The following ANK2 variants were observed in gnomAD, a reference collection of about 807,000 sequenced individuals.
The protein encoded by ANK2 is ankyrin-2.
A neutral mutation model predicts 360.5 loss-of-function variants in ANK2; 83 were observed. The observed-to-expected ratio is 0.23, with a 90% confidence interval of 0.19 to 0.28. The LOEUF is 0.28. Among genes scored for constraint, ANK2 ranks in the 10% least tolerant of loss-of-function variants. The pLI is 1.00. For synonymous variants in ANK2, 1,740 were observed against 1,759.5 expected, an observed-to-expected ratio of 0.99 and a Z score of 0.28; for missense variants, 4,201 against 4,795.7, an observed-to-expected ratio of 0.88 and a Z score of 3.66.
intron 23 of ANK2, among the ~76,000 whole-genome samples, chr4:113,304,104 A>G (rs1380683741): frequency 6.6e-6 from 1 of 152,224 alleles, no homozygotes; most frequent in Non-Finnish European, 1.5e-5. Context: ...AGTTCCAAAT[A>G]TTTAGTATAA....
At chr4:113,047,419 G>A (rs576891818), upstream of ANK2, among the ~76,000 whole-genome samples, 35 of 152,176 alleles carry the variant, frequency 2.3e-4, no homozygotes, top group Non-Finnish European at 4.1e-4. Context: ...AGCACAATGT[G>A]CCTCTAGTGC....
intron 2 of ANK2, among the ~76,000 whole-genome samples, chr4:112,949,543 A>G (rs950754053): frequency 1.3e-5 from 2 of 152,344 alleles, no homozygotes; most frequent in Admixed American, 1.3e-4. Flanking sequence ...TTAATTCCAC[A>G]TTCTTTTTCA....
In ANK2 at chr4:113,049,810, A is replaced by G; in HGVS notation, c.82A>G (p.Lys28Glu). The G allele has an allele frequency of 6.2e-7, 1 of 1,613,740 alleles. No individual in the cohort carries two copies. Residue 28 changes from lysine (K) to glutamate (E), a missense_variant and splice_region_variant, in exon 1 of 46, where the codon AAG (lysine) becomes GAG (glutamate). Lys to Glu is a moderately conservative substitution (Grantham distance 56, BLOSUM62 1). Transcript: ENST00000357077. ...GSSQRRKRPKKSDSNASFLRA... is the reference protein window; with the variant it reads ...GSSQRRKRPKESDSNASFLRA... ...TAGTCAGAGGAGAAAAAGACCCAAG[A>G]AGGTAAATCGCCGGAATTAGGAATG...
chr4:113,311,147 C>T lies in ANK2; in HGVS notation c.2549-108C>T, dbSNP rs528667284. On this transcript the variant is annotated intron_variant, in intron 23 of 45. Transcript: ENST00000357077. ...TGTGTTCTAGTGTGCAGTGCAGTTT[C>T]ATCAAGGTCAAGGTAATGATGTTGA... 9.1e-6 allele frequency: 13 copies of T among 1,433,490 alleles called. No individual in the cohort carries two copies. In the East Asian group the frequency reaches 2.8e-4, roughly 30 times the overall value. The allele number at this position is 1,433,490 out of a possible 1,614,324, so 88.8% of individuals were successfully genotyped here. A position where few individuals can be genotyped will look rare whatever the true frequency, so the allele number is the denominator to read the frequency against.
At chr4:113,339,387 T>C in intron 32 of ANK2, 65 bp downstream of exon 32, 1 of 1,249,588 alleles carries the variant, frequency 8.0e-7, no homozygotes, top group East Asian at 2.3e-5. Context: ...CTGCCCTTTG[T>C]TTTATTTTGT....
At chr4:112,773,649 A>G in the ANK2 span, among the ~76,000 whole-genome samples, 75 of 152,344 alleles carry the variant, frequency 4.9e-4, no homozygotes, top group Non-Finnish European at 6.2e-4. Context: ...ATAGAGAGAC[A>G]CATTCATGCA....
chr4:113,006,558 A>G (rs1354537004), intron 2 of ANK2, among the ~76,000 whole-genome samples: 1 of 152,200 alleles, frequency 6.6e-6, no homozygotes, highest in Non-Finnish European at 1.5e-5. Flanking sequence ...ATCTTTTCTT[A>G]TAGACTGTTG....
chr4:113,122,037 G>T (rs2095395954), intron 1 of ANK2, among the ~76,000 whole-genome samples: 1 of 152,138 alleles, frequency 6.6e-6, no homozygotes, highest in Non-Finnish European at 1.5e-5. Context: ...TTTGCAAGTT[G>T]AGAGTGGAAT....
chr4:112,761,571 G>T, the ANK2 span, among the ~76,000 whole-genome samples: 1 of 152,098 alleles, frequency 6.6e-6, no homozygotes, highest in African/African-American at 2.4e-5. Context: ...AGTGAGCCCA[G>T]ATCACGCCAC....
intron 1 of ANK2, among the ~76,000 whole-genome samples, chr4:112,888,114 T>A (rs973113783): frequency 9.2e-5 from 14 of 152,228 alleles, no homozygotes; most frequent in Non-Finnish European, 1.9e-4. Context: ...TGTTAATTTT[T>A]TAAAGATGGT....
At chr4:112,872,021 T>C (rs2073236735) in intron 1 of ANK2, among the ~76,000 whole-genome samples, 1 of 151,734 alleles carries the variant, frequency 6.6e-6, no homozygotes, top group Non-Finnish European at 1.5e-5. Context: ...GGTTTTTGCA[T>C]CTGTATTTTT....
the ANK2 span, among the ~76,000 whole-genome samples, chr4:112,740,945 G>A: frequency 6.6e-6 from 1 of 151,666 alleles, no homozygotes. Flanking sequence ...AGCCGAGATT[G>A]CATCACTGCA....
the ANK2 span, among the ~76,000 whole-genome samples, chr4:112,770,876 G>A: frequency 2.1e-4 from 32 of 152,216 alleles, no homozygotes; most frequent in East Asian, 5.8e-3. Flanking sequence ...ATAGTCTTGC[G>A]ACTGCAGTTT....
intron 1 of ANK2, 68 bp from the exon 2 acceptor site, chr4:113,174,348 G>T: frequency 7.6e-7 from 1 of 1,316,470 alleles, no homozygotes; most frequent in Non-Finnish European, 1.1e-6. Flanking sequence ...AAACATTCTT[G>T]TCTTTCTGTA....
At chr4:113,365,265 C>T (rs2154054533) in intron 41 of ANK2, 83 bp downstream of exon 41, 1 of 1,439,204 alleles carries the variant, frequency 6.9e-7, no homozygotes, top group Non-Finnish European at 9.4e-7. Flanking sequence ...AGGCACTGGA[C>T]CTACTGTCTT....
intron 1 of ANK2, among the ~76,000 whole-genome samples, chr4:113,072,631 G>A (rs957692161): frequency 6.6e-6 from 1 of 151,924 alleles, no homozygotes; most frequent in Non-Finnish European, 1.5e-5. Context: ...CGGAGGTTCT[G>A]AATTGTTTAG....
In ANK2 at chr4:113,257,948, A is replaced by T; in HGVS notation, c.1189-102A>T. 3 of 1,123,054 alleles carry T rather than the reference A, an allele frequency of 2.7e-6. No individual in the cohort carries two copies. In the South Asian group the frequency reaches 3.9e-5, roughly 14 times the overall value. The allele number at this position is 1,123,054 out of a possible 1,614,324, so 69.6% of individuals were successfully genotyped here. On this transcript the variant is annotated intron_variant, in intron 11 of 45. Transcript: ENST00000357077. ...CTGCAGGGATTGAAGAAATGGTAAC[A>T]TTATGTGACGATGTAACATTATTGC...
intron 22 of ANK2, among the ~76,000 whole-genome samples, chr4:113,301,018 A>G (rs2074662927): frequency 1.3e-5 from 2 of 152,250 alleles, no homozygotes; most frequent in Admixed American, 1.3e-4. Context: ...TTTTGGAAAG[A>G]AAATAATTGA....
the ANK2 span, among the ~76,000 whole-genome samples, chr4:112,770,730 C>A: frequency 2.0e-5 from 3 of 149,036 alleles, no homozygotes; most frequent in East Asian, 2.0e-4. Flanking sequence ...AAAAAAAGTG[C>A]ATTATAATCA....
Sources: gnomAD v4.1 joint callset for allele counts (sites outside exome capture counted in the v4.1 genomes callset) on GRCh38, gnomAD v4.1.1 for gene constraint, MANE v1.5 for transcripts, NCBI Gene and HGNC (gene_info 2026-07-23, HGNC 2026-07-21) for gene names.